RAD1: variants seen among roughly 807,000 people sequenced by gnomAD.
RAD1 encodes the protein RAD1 checkpoint DNA exonuclease, also known as cell cycle checkpoint protein RAD1.
RAD1 carries 21 observed loss-of-function variants against 30.0 expected under a neutral mutation model. That is an observed-to-expected ratio of 0.70 (90% CI 0.50 to 1.01). The LOEUF (loss-of-function observed/expected upper bound fraction) is 1.01, where lower values mean the gene tolerates loss of function less well. Ranked by LOEUF, RAD1 falls within the 50% of genes least tolerant of loss-of-function variation. RAD1 has a pLI of 0.00. For synonymous variants in RAD1, 109 were observed against 113.6 expected (o/e 0.96, Z 0.26); for missense variants, 329 against 329.0 (o/e 1.00, Z 0.00).
chr5:34,912,605 AATC>A (rs1763880425), intron 3 of RAD1, among the ~76,000 whole-genome samples: 2 of 152,188 alleles, frequency 1.3e-5, no homozygotes, highest in African/African-American at 4.8e-5. Context: ...TATGAAATAA[AATC>A]ATTCTTCTGG....
At chr5:34,912,530 C>T (rs41271697) in intron 3 of RAD1, among the ~76,000 whole-genome samples, 188 of 151,816 alleles carry the variant, frequency 1.2e-3, no homozygotes, top group African/African-American at 4.3e-3. Context: ...TCTGTGGAAA[C>T]GTAAAATACA....
At chr5:34,914,240 G>GC (rs2111954946) in intron 2 of RAD1, among the ~76,000 whole-genome samples, 1 of 152,310 alleles carries the variant, frequency 6.6e-6, no homozygotes, top group South Asian at 2.1e-4. Flanking sequence ...CATATATTCT[G>GC]GAAACAAATA....
chr5:34,914,827 G>C lies in RAD1; in HGVS notation c.66C>G (p.Asp22Glu). Residue 22 changes from aspartate to glutamate, a missense_variant, in exon 2 of 6, where the codon GAC becomes GAG. Asp to Glu is a conservative substitution (Grantham distance 45). Transcript: ENST00000382038. ...AGATAGTGGAGAGATTCCTAACGTT[G>C]TCAAGGCTGGCCACAAGGCTGTACT... The part of the protein sequence containing the change: ...DDQYSLVASL[D>E]NVRNLSTILK... The C allele has an allele frequency of 6.2e-7, 1 of 1,614,216 alleles. No individual in the cohort carries two copies. Among genetic ancestry groups the C allele is most frequent in the East Asian group, 2.2e-5 (1 of 44,872 alleles).
chr5:34,907,087 A>G lies in RAD1; in HGVS notation c.*1678T>C, dbSNP rs1763675347. On this transcript the variant is annotated 3_prime_UTR_variant, in exon 6 of 6. Transcript: ENST00000382038. ...GTGCTGACCCTGGCCACCTCCCAGAATTGTCCATATGCCTGGGAAGCAGTG... is the reference window on the plus strand; with the variant it reads ...GTGCTGACCCTGGCCACCTCCCAGAGTTGTCCATATGCCTGGGAAGCAGTG... 6.6e-6 allele frequency: 1 copy of G among 152,156 alleles called. No individual in the cohort carries two copies. The highest frequency in any genetic ancestry group is 1.5e-5 in the Non-Finnish European group (1 of 68,034). 9.4% of individuals were successfully genotyped at this position (152,156 alleles called of 1,614,324 possible).
Position 34,905,826 on chromosome 5 carries a change from T to C in RAD1, c.*2939A>G, listed in dbSNP as rs1002156015. ...ATTAAAGTAAAAATTCCTGGGTCAATTAGAACACAAATAAGGAGGAAATTC... is the reference window on the plus strand; with the variant it reads ...ATTAAAGTAAAAATTCCTGGGTCAACTAGAACACAAATAAGGAGGAAATTC... On this transcript the variant is annotated 3_prime_UTR_variant, in exon 6 of 6. Transcript: ENST00000382038. The C allele has an allele frequency of 6.6e-6, 1 of 152,152 alleles. No homozygotes were observed. Among genetic ancestry groups the C allele is most frequent in the Admixed American group, 6.5e-5 (1 of 15,272 alleles). The allele number at this position is 152,152 out of a possible 1,614,324, so 9.4% of individuals were successfully genotyped here.
rs1316070634 is a variant in RAD1, at chr5:34,908,489, T to TA, written c.*275dup. 8.1e-6 allele frequency: 2 copies of TA among 246,992 alleles called. No individual in the cohort carries two copies. Among genetic ancestry groups the TA allele is most frequent in the Non-Finnish European group, 1.5e-5 (2 of 129,558 alleles). 15.3% of individuals were successfully genotyped at this position (246,992 alleles called of 1,614,324 possible). A position where few individuals can be genotyped will look rare whatever the true frequency, so the allele number is the denominator to read the frequency against. ...GGCCACCTTTAGACTCTTGAAATGT[T>TA]ACGCTGACTCACAATTATTCCCATG... is the stretch of plus-strand genomic sequence containing the variant. On this transcript the variant is annotated 3_prime_UTR_variant, in exon 6 of 6. Coordinates refer to ENST00000382038, the MANE Select transcript of RAD1 (RefSeq NM_002853.4).
At chr5:34,912,435 G>A (rs898252584) in intron 3 of RAD1, among the ~76,000 whole-genome samples, 4 of 152,200 alleles carry the variant, frequency 2.6e-5, no homozygotes, top group Admixed American at 2.0e-4. Context: ...GCCACAGTGA[G>A]GAATGGAAGA....
intron 5 of RAD1, 37 bp from the exon 6 acceptor site, chr5:34,908,985 C>T (rs868562903): frequency 6.6e-7 from 1 of 1,519,568 alleles, no homozygotes; most frequent in Middle Eastern, 1.7e-4. Flanking sequence ...TATATCAACA[C>T]AGTGAACACT....
In RAD1 at chr5:34,915,440, G is replaced by C. The variant is rs1323361622; in HGVS notation, c.-94C>G. ...CCTTTGCGGTGGGGTCTGGACGCCC[G>C]AGAGCCCTTCTCAGCAAAGTCCCTG... On this transcript the variant is annotated 5_prime_UTR_variant, in exon 1 of 6. Coordinates refer to ENST00000382038, the MANE Select transcript of RAD1 (RefSeq NM_002853.4). 1 of 326,650 alleles carries C rather than the reference G, an allele frequency of 3.1e-6. No individual in the cohort carries two copies. The highest frequency in any genetic ancestry group is 2.1e-5 in the African/African-American group (1 of 46,760). 20.2% of individuals were successfully genotyped at this position (326,650 alleles called of 1,614,324 possible).
chr5:34,910,623 T>C (rs1417119427), intron 4 of RAD1, among the ~76,000 whole-genome samples: 1 of 152,132 alleles, frequency 6.6e-6, no homozygotes, highest in Admixed American at 6.5e-5. Flanking sequence ...AGACAGGGTT[T>C]CACCACATTG....
chr5:34,912,221 T>A (rs1046065991), intron 3 of RAD1, among the ~76,000 whole-genome samples: 1 of 152,270 alleles, frequency 6.6e-6, no homozygotes, highest in African/African-American at 2.4e-5. Context: ...TCATCTGTAC[T>A]GTAACGTCAG....
chr5:34,914,741 AC>A lies in RAD1; in HGVS notation c.151del (p.Val51Ter), dbSNP rs2111957285. Reference protein sequence around the residue: ...TCFATKNGIKVTVENAKCVQA... With the variant: ...TCFATKNGIKXTVENAKCVQA... ...CACACACTTTGCATTTTCCACTGTT[AC>A]TTTGATACCATTTTTAGTTGCGAAA... On this transcript the variant is annotated frameshift_variant, in exon 2 of 6. Coordinates refer to ENST00000382038, the MANE Select transcript of RAD1 (RefSeq NM_002853.4). LOFTEE classifies it high-confidence loss of function. 1.4e-5 allele frequency: 22 copies of A among 1,614,194 alleles called. No homozygotes were observed. Among genetic ancestry groups the A allele is most frequent in the Non-Finnish European group, 1.8e-5 (21 of 1,180,028 alleles).
In RAD1 at chr5:34,909,647, G is replaced by C. The variant is rs547238056; in HGVS notation, c.567-291C>G. 9.9e-5 allele frequency among the ~76,000 whole-genome samples: 15 copies of C among 152,242 alleles called. 1 individual carries two copies. In the South Asian group the frequency reaches 3.1e-3, roughly 32 times the overall value. ...ATGACTTTTCCTCATCCTTAAGTCA[G>C]AAATATATAACAGGCGAGAGAATTG... is the stretch of plus-strand genomic sequence containing the variant. On this transcript the variant is annotated intron_variant, in intron 4 of 5. Coordinates refer to ENST00000382038, the MANE Select transcript of RAD1 (RefSeq NM_002853.4).
intron 2 of RAD1, 34 bp downstream of exon 2, chr5:34,914,661 T>G (rs768693174): frequency 6.9e-6 from 11 of 1,603,410 alleles, no homozygotes; most frequent in Non-Finnish European, 9.4e-6. Flanking sequence ...TTAGAGTATC[T>G]ATGGCACAGG....
Position 34,906,176 on chromosome 5 carries a change from G to A in RAD1, c.*2589C>T, listed in dbSNP as rs930434372. ...TCACCATGTTGGCCAGGCTGATCTC[G>A]AACTTCCTGACCTCAGATGATCCCC... On this transcript the variant is annotated 3_prime_UTR_variant, in exon 6 of 6. Coordinates refer to ENST00000382038, the MANE Select transcript of RAD1 (RefSeq NM_002853.4). 1 of 151,836 alleles carries A rather than the reference G, an allele frequency of 6.6e-6. No homozygotes were observed. The highest frequency in any genetic ancestry group is 1.5e-5 in the Non-Finnish European group (1 of 67,988). The allele number at this position is 151,836 out of a possible 1,614,324, so 9.4% of individuals were successfully genotyped here.
Position 34,911,808 on chromosome 5 carries a change from A to C in RAD1, c.312T>G (p.Thr104=). ...SIFGSSPMPG[T]LTALRMCYQG... The stretch of plus-strand genomic sequence containing the variant: ...GGTAACACATTCGAAGTGCAGTTAA[A>C]GTCCCTGCAATGGAAAGAAGTCATA... The change falls in exon 4 of 6, where the codon ACT becomes ACG. Residue 104 remains threonine (T), a synonymous_variant. Coordinates refer to ENST00000382038, the MANE Select transcript of RAD1 (RefSeq NM_002853.4). The C allele has an allele frequency of 6.2e-7, 1 of 1,614,086 alleles. No homozygotes were observed. Among genetic ancestry groups the C allele is most frequent in the Non-Finnish European group, 8.5e-7 (1 of 1,179,960 alleles).
intron 2 of RAD1, chr5:34,914,086 A>C (rs1763954009): frequency 2.3e-6 from 1 of 433,432 alleles, no homozygotes; most frequent in Non-Finnish European, 4.7e-6. Context: ...CATGCTGTGC[A>C]CTTACGTGTT....
intron 4 of RAD1, among the ~76,000 whole-genome samples, chr5:34,910,191 C>T (rs1763787282): frequency 6.6e-6 from 1 of 152,126 alleles, no homozygotes; most frequent in Non-Finnish European, 1.5e-5. Flanking sequence ...CTCCTACCTC[C>T]CTACCACCAA....
intron 2 of RAD1, 56 bp from the exon 3 acceptor site, chr5:34,913,634 T>G (rs574959316): frequency 1.2e-5 from 13 of 1,060,206 alleles, no homozygotes; most frequent in Middle Eastern, 2.1e-4. Context: ...ACTAATAATA[T>G]AAGGTCCTAG....
Sources: gnomAD v4.1 joint callset for allele counts (sites outside exome capture counted in the v4.1 genomes callset) on GRCh38, gnomAD v4.1.1 for gene constraint, MANE v1.5 for transcripts, NCBI Gene and HGNC (gene_info 2026-07-23, HGNC 2026-07-21) for gene names.